The following RIMS1 variants were observed in gnomAD, a reference collection of about 807,000 sequenced individuals.
RIMS1 encodes the protein regulating synaptic membrane exocytosis 1, also known as regulating synaptic membrane exocytosis protein 1.
Under a neutral mutation model 214.1 loss-of-function variants are expected in RIMS1, and 83 were observed. That is an observed-to-expected ratio of 0.39 (90% confidence interval 0.32 to 0.47). The LOEUF is 0.47. Ranked by LOEUF, RIMS1 falls within the 20% of genes least tolerant of loss-of-function variation. RIMS1 has a pLI of 0.99. For missense variants in RIMS1, 2,050 were observed against 2,161.8 expected (o/e 0.95, Z 1.03); for synonymous variants, 793 against 786.8 (o/e 1.01, Z -0.13).
chr6:71,988,035 C>G (rs1800540087), intron 2 of RIMS1, among the ~76,000 whole-genome samples: 1 of 151,638 alleles, frequency 6.6e-6, no homozygotes, highest in African/African-American at 2.4e-5. Flanking sequence ...ACACCATGCT[C>G]AAATATGTGT....
intron 1 of RIMS1, among the ~76,000 whole-genome samples, chr6:71,920,821 T>C (rs968612105): frequency 1.2e-4 from 19 of 152,356 alleles, no homozygotes; most frequent in African/African-American, 4.6e-4. Context: ...TAGTCAATCA[T>C]ATTCCTTGCT....
At chr6:72,188,234 G>A (rs1370986040) in intron 6 of RIMS1, among the ~76,000 whole-genome samples, 1 of 152,184 alleles carries the variant, frequency 6.6e-6, no homozygotes, top group African/African-American at 2.4e-5. Flanking sequence ...ATCCTGTCAA[G>A]TTGACACTCG....
Position 72,390,535 on chromosome 6 carries a change from A to G in RIMS1, c.4367-63A>G, listed in dbSNP as rs112385732. 2.1e-5 allele frequency: 31 copies of G among 1,463,576 alleles called. No individual in the cohort carries two copies. The African/African-American group carries it at 2.7e-4, about 13-fold the overall frequency. The allele number at this position is 1,463,576 out of a possible 1,614,324, so 90.7% of individuals were successfully genotyped here. A position where few individuals can be genotyped will look rare whatever the true frequency, so the allele number is the denominator to read the frequency against. On this transcript the variant is annotated intron_variant, in intron 29 of 33. Transcript: ENST00000521978. ...ATTAACTATTGTATTTGCAGGATCA[A>G]TTGATATTCAGGAGTAAACTGTCTA...
chr6:71,893,212 AGTGTTGCCAGGGTTGCAGCTCCCAGT>A (rs1278958528), intron 1 of RIMS1, among the ~76,000 whole-genome samples: 1 of 152,304 alleles, frequency 6.6e-6, no homozygotes, highest in East Asian at 1.9e-4. Context: ...CTAGCAATGC[AGTGTTGCCAGGGTTGCAGCTCCCAGT>A]GTGAGAATTT....
At chr6:72,047,856 A>G (rs1226103530) in intron 2 of RIMS1, among the ~76,000 whole-genome samples, 1 of 152,140 alleles carries the variant, frequency 6.6e-6, no homozygotes, top group Non-Finnish European at 1.5e-5. Context: ...ACTGCTTGGG[A>G]CTATTCACCA....
At position 71,923,326 on chromosome 6, in the gene RIMS1, G is replaced by A. The variant is rs149234268; in HGVS notation, c.164+36139G>A. ...AGTGCTCTTTGTTTGATTGAAAGGCGTTAGAATTCTCATTTAGAATTCTGA... is the reference window on the plus strand; with the variant it reads ...AGTGCTCTTTGTTTGATTGAAAGGCATTAGAATTCTCATTTAGAATTCTGA... On this transcript the variant is annotated intron_variant, in intron 1 of 33. Coordinates refer to ENST00000521978, the MANE Select transcript of RIMS1 (RefSeq NM_014989.7). Among the ~76,000 whole-genome samples the A allele has an allele frequency of 3.0e-3, 454 of 152,262 alleles. 5 individuals are homozygous for A. In the South Asian group the frequency reaches 0.038, roughly 13 times the overall value.
chr6:71,999,864 AT>A (rs369638076), intron 2 of RIMS1, among the ~76,000 whole-genome samples: 1 of 151,864 alleles, frequency 6.6e-6, no homozygotes, highest in Admixed American at 6.6e-5. Context: ...TTGGATGTTG[AT>A]TTTTTCATAA....
chr6:72,264,815 T>A (rs148894876), intron 19 of RIMS1, among the ~76,000 whole-genome samples, 160 bp from the exon 20 acceptor site: 7 of 152,290 alleles, frequency 4.6e-5, no homozygotes, highest in Non-Finnish European at 1.0e-4. Flanking sequence ...TTAATAATTG[T>A]AGTCTTCCCT....
At chr6:71,985,949 T>C (rs1799819169) in intron 2 of RIMS1, among the ~76,000 whole-genome samples, 1 of 152,220 alleles carries the variant, frequency 6.6e-6, no homozygotes, top group Admixed American at 6.5e-5. Context: ...TTGTAGTAGT[T>C]CTATACTTTG....
chr6:72,087,098 A>G (rs968984735), intron 2 of RIMS1, among the ~76,000 whole-genome samples: 1 of 152,228 alleles, frequency 6.6e-6, no homozygotes, highest in African/African-American at 2.4e-5. Context: ...CTTCTTAACC[A>G]GATAAAATGA....
At chr6:72,140,801 C>A (rs1272894458) in intron 4 of RIMS1, among the ~76,000 whole-genome samples, 1 of 151,986 alleles carries the variant, frequency 6.6e-6, no homozygotes, top group Non-Finnish European at 1.5e-5. Flanking sequence ...TAAGAGACAT[C>A]AACATTTATA....
chr6:71,982,080 T>A (rs528158617), intron 2 of RIMS1, among the ~76,000 whole-genome samples: 1 of 152,162 alleles, frequency 6.6e-6, no homozygotes, highest in Non-Finnish European at 1.5e-5. Flanking sequence ...GTAGAGGATA[T>A]GGAGGATCAG....
At position 72,158,342 on chromosome 6, in the gene RIMS1, G is replaced by A. The variant is rs1299730534; in HGVS notation, c.472-21233G>A. Among the ~76,000 whole-genome samples, 2 of 140,678 alleles carry A rather than the reference G, an allele frequency of 1.4e-5. 1 individual carries two copies. The highest frequency in any genetic ancestry group is 1.5e-4 in the Admixed American group (2 of 13,698). 92.3% of individuals were successfully genotyped at this position (140,678 alleles called of 152,430 possible). A position where few individuals can be genotyped will look rare whatever the true frequency, so the allele number is the denominator to read the frequency against. On this transcript the variant is annotated intron_variant, in intron 4 of 33. Coordinates refer to ENST00000521978, the MANE Select transcript of RIMS1 (RefSeq NM_014989.7). Reference sequence around the variant, plus strand: ...TTTCTTCTGTTATGTTGAGAAGTTAGTTATCAATATTATGGTTACTCCTTT... The same window carrying A: ...TTTCTTCTGTTATGTTGAGAAGTTAATTATCAATATTATGGTTACTCCTTT...
chr6:72,150,824 A>G (rs949105829), intron 4 of RIMS1, among the ~76,000 whole-genome samples: 3 of 152,104 alleles, frequency 2.0e-5, no homozygotes, highest in African/African-American at 4.8e-5. Flanking sequence ...AATTGAGGAC[A>G]TCTGCTCTAA....
intron 4 of RIMS1, among the ~76,000 whole-genome samples, chr6:72,118,899 A>G (rs1426966776): frequency 2.0e-5 from 3 of 151,634 alleles, no homozygotes; most frequent in Non-Finnish European, 3.0e-5. Flanking sequence ...AAGCATTTCC[A>G]CTGAGAACTG....
At chr6:72,011,719 A>C (rs893140031) in intron 2 of RIMS1, among the ~76,000 whole-genome samples, 2 of 152,240 alleles carry the variant, frequency 1.3e-5, no homozygotes, top group African/African-American at 4.8e-5. Context: ...GCCAAAAGAC[A>C]CATGAAAAAA....
intron 2 of RIMS1, among the ~76,000 whole-genome samples, chr6:72,058,700 C>T (rs1358055166): frequency 6.6e-6 from 1 of 152,210 alleles, no homozygotes; most frequent in Non-Finnish European, 1.5e-5. Context: ...TGGACCCATT[C>T]AGAGGAGTCC....
At chr6:72,267,029 G>A (rs2080914546) in intron 22 of RIMS1, among the ~76,000 whole-genome samples, 1 of 151,986 alleles carries the variant, frequency 6.6e-6, no homozygotes, top group South Asian at 2.1e-4. Flanking sequence ...ATAGGTACAC[G>A]TGTGTATATA....
chr6:72,199,267 AT>A (rs1210034011), intron 6 of RIMS1, among the ~76,000 whole-genome samples: 1 of 152,106 alleles, frequency 6.6e-6, no homozygotes, highest in East Asian at 1.9e-4. Context: ...CCTTGTCCAA[AT>A]GTGAAGCAAG....
Sources: allele counts gnomAD v4.1 joint callset (sites outside exome capture counted in the v4.1 genomes callset), GRCh38; gene constraint gnomAD v4.1.1; transcripts MANE v1.5; gene names NCBI Gene and HGNC (gene_info 2026-07-23, HGNC 2026-07-21).